The following POU2F2 variants were observed in gnomAD, a reference collection of about 807,000 sequenced individuals.
POU2F2 encodes POU domain, class 2, transcription factor 2.
A neutral mutation model predicts 63.5 loss-of-function variants in POU2F2; 14 were observed. That is an observed-to-expected ratio of 0.22 (90% CI 0.15 to 0.34). The LOEUF is 0.34. Among genes scored for constraint, POU2F2 ranks in the 10% least tolerant of loss-of-function variants. The pLI, the probability that POU2F2 is intolerant of heterozygous loss-of-function variation, is 1.00. For synonymous variants in POU2F2, 306 were observed against 348.6 expected (o/e 0.88, Z 1.36); for missense variants, 607 against 815.2 (o/e 0.74, Z 3.11).
upstream of POU2F2, chr19:42,133,450 C>T (rs2033897348): frequency 1.3e-5 from 2 of 154,680 alleles, no homozygotes. The surrounding 1 kb of genome is among the most constrained non-coding windows in gnomAD (Gnocchi z 5.1). Context: ...TCTTGGTGCC[C>T]GAGGTCTGAG....
rs1231642181 is a variant in POU2F2, at chr19:42,141,606, C to T, written c.-9+18726G>A. On this transcript the variant is annotated intron_variant, in intron 2 of 6. Coordinates refer to the POU2F2 transcript ENST00000524801. The stretch of plus-strand genomic sequence containing the variant: ...AAGCGATTCTCCTGCCTCAGCCTCC[C>T]GAGTAGCTGGGATTACAGGCATGCA... Among the ~76,000 whole-genome samples, 5 of 151,504 alleles carry T rather than the reference C, an allele frequency of 3.3e-5. No individual in the cohort carries two copies. In the East Asian group the frequency reaches 5.8e-4, roughly 18 times the overall value.
rs184103010 is a variant in POU2F2 at position 42,092,369 on chromosome 19, G to A, written c.1265-99C>T. 866 of 905,618 alleles carry A rather than the reference G, an allele frequency of 9.6e-4. 7 individuals are homozygous for A. In the African/African-American group the frequency reaches 0.013, roughly 13 times the overall value. The allele number at this position is 905,618 out of a possible 1,614,324, so 56.1% of individuals were successfully genotyped here. Reference sequence around the variant, plus strand: ...CTACTTGTCCTCCCGCCCAGCTCACGCAGCATCTCCTCAGTCAGAACAGCC... The same window carrying A: ...CTACTTGTCCTCCCGCCCAGCTCACACAGCATCTCCTCAGTCAGAACAGCC... On this transcript the variant is annotated intron_variant, in intron 12 of 14. Coordinates refer to ENST00000692977, the MANE Select transcript of POU2F2 (RefSeq NM_001394376.1). This position sits in a 1 kb window ranked among gnomAD's most constrained non-coding sequence, Gnocchi z 5.0.
At position 42,117,092 on chromosome 19, in the gene POU2F2, C is replaced by T; in HGVS notation, c.369+158G>A. 1 of 690,772 alleles carries T rather than the reference C, an allele frequency of 1.4e-6. No individual in the cohort carries two copies. Among genetic ancestry groups the T allele is most frequent in the East Asian group, 2.7e-5 (1 of 37,562 alleles). The allele number at this position is 690,772 out of a possible 1,614,324, so 42.8% of individuals were successfully genotyped here. A position where few individuals can be genotyped will look rare whatever the true frequency, so the allele number is the denominator to read the frequency against. ...GAGAGGGGTTAGTGCCTAAGCCAAG[C>T]AAGTAAGGGGACAAGACCTCCTAGA... On this transcript the variant is annotated intron_variant, in intron 5 of 14. Transcript: ENST00000692977. This position sits in a 1 kb window ranked among gnomAD's most constrained non-coding sequence, Gnocchi z 4.4.
chr19:42,182,175 G>C (rs917806554), intron 1 of POU2F2, among the ~76,000 whole-genome samples: 1 of 151,802 alleles, frequency 6.6e-6, no homozygotes, highest in African/African-American at 2.4e-5. Flanking sequence ...TCAGGAGGCA[G>C]AGGTTGCAGT....
intron 1 of POU2F2, among the ~76,000 whole-genome samples, chr19:42,125,344 A>G (rs2033095614): frequency 6.9e-6 from 1 of 144,704 alleles, no homozygotes; most frequent in South Asian, 2.3e-4. Context: ...CTTGGATAAT[A>G]GAGCAAGACT....
intron 5 of POU2F2, among the ~76,000 whole-genome samples, chr19:42,114,302 C>G (rs755867143): frequency 3.9e-5 from 6 of 152,062 alleles, no homozygotes; most frequent in Non-Finnish European, 5.9e-5. Flanking sequence ...TTTGTTCCTT[C>G]AACTGATATT....
At chr19:42,110,899 G>A (rs895574682) in intron 5 of POU2F2, 1 of 342,486 alleles carries the variant, frequency 2.9e-6, no homozygotes, top group South Asian at 2.3e-5. Flanking sequence ...GTAAAATGGG[G>A]ATAATAATGT....
Position 42,086,306 on chromosome 19 carries a change from G to A in POU2F2, c.*4951C>T, listed in dbSNP as rs2076546348. 1 of 152,276 alleles carries A rather than the reference G, an allele frequency of 6.6e-6. No homozygotes were observed. Among genetic ancestry groups the A allele is most frequent in the South Asian group, 2.1e-4 (1 of 4,806 alleles). 9.4% of individuals were successfully genotyped at this position (152,276 alleles called of 1,614,324 possible). A position where few individuals can be genotyped will look rare whatever the true frequency, so the allele number is the denominator to read the frequency against. On this transcript the variant is annotated 3_prime_UTR_variant, in exon 15 of 15. Coordinates refer to ENST00000692977, the MANE Select transcript of POU2F2 (RefSeq NM_001394376.1). ...GAGGGGGTACAGGAAGGGAAGGAAG[G>A]GGCTACCAACACAGGGGTCAGACGG... is the stretch of plus-strand genomic sequence containing the variant.
chr19:42,091,993 C>A, intron 13 of POU2F2, 53 bp from the exon 14 acceptor site: 2 of 1,536,702 alleles, frequency 1.3e-6, no homozygotes, highest in Non-Finnish European at 1.8e-6. Flanking sequence ...GCCAACATAA[C>A]TGGGGTGCCG....
At chr19:42,191,449 C>A (rs745507075) in intron 1 of POU2F2, among the ~76,000 whole-genome samples, 1 of 152,178 alleles carries the variant, frequency 6.6e-6, no homozygotes, top group Non-Finnish European at 1.5e-5. Context: ...TAAGGGTGGT[C>A]ACAGCTTCCT....
chr19:42,187,521 G>C (rs1016417782), intron 1 of POU2F2, among the ~76,000 whole-genome samples: 1 of 151,270 alleles, frequency 6.6e-6, no homozygotes, highest in Non-Finnish European at 1.5e-5. Context: ...TAGCACTTCG[G>C]GAGGCCAAGG....
At chr19:42,122,314 C>T (rs1380611527) in intron 3 of POU2F2, 30 bp downstream of exon 3, 1 of 1,567,780 alleles carries the variant, frequency 6.4e-7, no homozygotes, top group Non-Finnish European at 8.8e-7. Context: ...TTCCTTCCCA[C>T]CCCCTCCCGC....
upstream of POU2F2, chr19:42,132,726 A>T (rs1349430850): frequency 1.4e-5 from 5 of 357,414 alleles, no homozygotes; most frequent in Non-Finnish European, 2.5e-5. Context: ...GGAGGCAAAC[A>T]AGTCTGGAAC....
chr19:42,176,829 C>G (rs1198010997), upstream of POU2F2, among the ~76,000 whole-genome samples: 3 of 151,658 alleles, frequency 2.0e-5, no homozygotes, highest in East Asian at 3.9e-4. Context: ...ACAGCCGGAG[C>G]GCGGTGCGGA....
upstream of POU2F2, among the ~76,000 whole-genome samples, chr19:42,178,020 A>C (rs1164502017): frequency 6.6e-6 from 1 of 152,122 alleles, no homozygotes; most frequent in Admixed American, 6.5e-5. Flanking sequence ...TAAAAGCCAG[A>C]GACTCAAAGA....
At chr19:42,128,314 CT>C (rs1172722020) in intron 1 of POU2F2, among the ~76,000 whole-genome samples, 1 of 152,216 alleles carries the variant, frequency 6.6e-6, no homozygotes, top group African/African-American at 2.4e-5. Flanking sequence ...GAAACCCTAA[CT>C]TAAATCTTTA....
intron 1 of POU2F2, among the ~76,000 whole-genome samples, chr19:42,183,304 C>T (rs548391213): frequency 6.6e-6 from 1 of 152,250 alleles, no homozygotes; most frequent in East Asian, 1.9e-4. Context: ...CACAGCAACA[C>T]AGAAGTACCT....
At chr19:42,193,121 G>T (rs1445162075) in intron 1 of POU2F2, among the ~76,000 whole-genome samples, 1 of 151,270 alleles carries the variant, frequency 6.6e-6, no homozygotes, top group Non-Finnish European at 1.5e-5. Flanking sequence ...AGCTACTAGG[G>T]AGGCTGAGGC....
chr19:42,099,438 G>T, intron 7 of POU2F2, 89 bp downstream of exon 7: 1 of 1,160,266 alleles, frequency 8.6e-7, no homozygotes, highest in Non-Finnish European at 1.3e-6. Flanking sequence ...ATGGAAAGGA[G>T]ACTCTCACTC....
Sources: allele counts gnomAD v4.1 joint callset (sites outside exome capture counted in the v4.1 genomes callset), GRCh38; gene constraint gnomAD v4.1.1; non-coding constraint Gnocchi (gnomAD v3.1); transcripts MANE v1.5; gene names NCBI Gene and HGNC (gene_info 2026-07-23, HGNC 2026-07-21).